CCBE1: variants seen among roughly 807,000 people sequenced by gnomAD.
CCBE1 encodes the protein collagen and calcium-binding EGF domain-containing protein 1.
Under a neutral mutation model 50.0 loss-of-function variants are expected in CCBE1, and 37 were observed. The observed-to-expected ratio is 0.74, with a 90% CI of 0.57 to 0.97. The LOEUF is 0.97. Among genes scored for constraint, CCBE1 ranks in the 50% least tolerant of loss-of-function variants. The pLI, the probability that CCBE1 is intolerant of heterozygous loss-of-function variation, is 0.00. For synonymous variants in CCBE1, 234 were observed against 203.7 expected (o/e 1.15, Z -1.27); for missense variants, 538 against 523.8 (o/e 1.03, Z -0.26).
At chr18:59,506,259 C>A (rs1913868254) in intron 2 of CCBE1, among the ~76,000 whole-genome samples, 1 of 152,172 alleles carries the variant, frequency 6.6e-6, no homozygotes, top group Non-Finnish European at 1.5e-5. Context: ...CAAGGATTGT[C>A]ACAACCATGG....
intron 2 of CCBE1, among the ~76,000 whole-genome samples, chr18:59,547,914 T>A (rs1915770592): frequency 6.6e-6 from 1 of 152,148 alleles, no homozygotes; most frequent in African/African-American, 2.4e-5. Flanking sequence ...CTGACCGAAA[T>A]AAGAACACAC....
At chr18:59,547,323 T>G (rs187866316) in intron 2 of CCBE1, among the ~76,000 whole-genome samples, 1 of 151,838 alleles carries the variant, frequency 6.6e-6, no homozygotes, top group Non-Finnish European at 1.5e-5. Flanking sequence ...GGAGTTCGAG[T>G]TGACCTTAGA....
chr18:59,616,021 T>C (rs1001983829), intron 2 of CCBE1, among the ~76,000 whole-genome samples: 4 of 152,230 alleles, frequency 2.6e-5, no homozygotes, highest in Non-Finnish European at 5.9e-5. Flanking sequence ...AGCTCGGCTG[T>C]GGTCCTATAA....
chr18:59,598,278 T>A (rs2053383622), intron 2 of CCBE1, among the ~76,000 whole-genome samples: 1 of 152,174 alleles, frequency 6.6e-6, no homozygotes, highest in Non-Finnish European at 1.5e-5. Context: ...CACCCCAGAA[T>A]CACCCCACCT....
rs1451354284 is a variant in CCBE1 at position 59,552,895 on chromosome 18, A to T, written c.213-72657T>A. 2.0e-5 allele frequency among the ~76,000 whole-genome samples: 3 copies of T among 152,228 alleles called. No individual in the cohort carries two copies. In the East Asian group the frequency reaches 5.8e-4, roughly 29 times the overall value. ...TTGAATTGATGCTAAACTTCCTCTG[A>T]TCTATAATGTAGCTGTCCCACCTGT... On this transcript the variant is annotated intron_variant, in intron 2 of 10. Transcript: ENST00000439986.
chr18:59,490,077 C>T (rs1177396452), intron 2 of CCBE1, among the ~76,000 whole-genome samples: 1 of 150,364 alleles, frequency 6.7e-6, no homozygotes, highest in East Asian at 2.0e-4. Flanking sequence ...ACCTCCACCT[C>T]CCAGGTTCAA....
At chr18:59,680,006 C>T (rs2054563829) in intron 2 of CCBE1, among the ~76,000 whole-genome samples, 1 of 151,606 alleles carries the variant, frequency 6.6e-6, no homozygotes, top group South Asian at 2.1e-4. Context: ...GGTAAATCAC[C>T]TGAGGTCAGG....
chr18:59,467,611 C>T (rs1220090628), intron 4 of CCBE1, among the ~76,000 whole-genome samples: 10 of 152,174 alleles, frequency 6.6e-5, no homozygotes, highest in Admixed American at 5.9e-4. Flanking sequence ...GACTTGCTCC[C>T]CTGCCGCATG....
chr18:59,559,605 T>C (rs1361003022), intron 2 of CCBE1, among the ~76,000 whole-genome samples: 1 of 152,190 alleles, frequency 6.6e-6, no homozygotes. Flanking sequence ...CTCTTGTGTT[T>C]AATAACAGAA....
At chr18:59,477,093 C>A (rs548457332) in intron 3 of CCBE1, among the ~76,000 whole-genome samples, 35 of 152,332 alleles carry the variant, frequency 2.3e-4, no homozygotes, top group African/African-American at 8.4e-4. Flanking sequence ...CACCTGGCTA[C>A]TTTGGTCTCC....
At chr18:59,583,680 T>TGTGTGTGTGC (rs1229840840) in intron 2 of CCBE1, among the ~76,000 whole-genome samples, 2 of 59,346 alleles carry the variant, frequency 3.4e-5, no homozygotes, top group Non-Finnish European at 8.9e-5. Flanking sequence ...TGTGTGTGTG[T>TGTGTGTGTGC]GCGCGCGCGC....
At chr18:59,577,352 C>T (rs1236411365) in intron 2 of CCBE1, among the ~76,000 whole-genome samples, 2 of 152,174 alleles carry the variant, frequency 1.3e-5, no homozygotes, top group Non-Finnish European at 2.9e-5. Context: ...CCAAGTCTGG[C>T]AGTGCAGCGG....
intron 2 of CCBE1, among the ~76,000 whole-genome samples, chr18:59,521,042 A>G (rs1325510082): frequency 6.6e-6 from 1 of 152,236 alleles, no homozygotes; most frequent in East Asian, 1.9e-4. Context: ...TACTTAATCC[A>G]TCTGTCCTCA....
chr18:59,695,719 G>A (rs1027525336), intron 2 of CCBE1, among the ~76,000 whole-genome samples: 7 of 152,158 alleles, frequency 4.6e-5, no homozygotes, highest in African/African-American at 1.7e-4. Flanking sequence ...GGACTGCTGC[G>A]TTACCTTGTA....
chr18:59,616,595 G>A (rs931545914), intron 2 of CCBE1, among the ~76,000 whole-genome samples: 4 of 152,096 alleles, frequency 2.6e-5, no homozygotes, highest in East Asian at 3.9e-4. Context: ...GTGGCTAGGC[G>A]CCAAACCCAT....
At chr18:59,494,587 TA>T (rs200994439) in intron 2 of CCBE1, among the ~76,000 whole-genome samples, 1 of 151,872 alleles carries the variant, frequency 6.6e-6, no homozygotes, top group Non-Finnish European at 1.5e-5. Flanking sequence ...ATATACAGAA[TA>T]AAAAAATCAG....
intron 2 of CCBE1, among the ~76,000 whole-genome samples, chr18:59,677,440 C>T (rs2054520709): frequency 1.3e-5 from 2 of 152,056 alleles, no homozygotes; most frequent in Non-Finnish European, 2.9e-5. Context: ...TTCTTGAAGA[C>T]ATCCAAGCAA....
At chr18:59,560,347 G>T (rs945857778) in intron 2 of CCBE1, among the ~76,000 whole-genome samples, 7 of 152,144 alleles carry the variant, frequency 4.6e-5, no homozygotes, top group African/African-American at 1.4e-4. Flanking sequence ...ACTAACACGG[G>T]AACAGGAAAC....
At chr18:59,599,155 A>G (rs2053396267) in intron 2 of CCBE1, among the ~76,000 whole-genome samples, 1 of 152,158 alleles carries the variant, frequency 6.6e-6, no homozygotes, top group Admixed American at 6.5e-5. Context: ...CTTGAGTCAT[A>G]TAGAAAGAAT....
Sources: allele counts gnomAD v4.1 joint callset (sites outside exome capture counted in the v4.1 genomes callset), GRCh38; gene constraint gnomAD v4.1.1; transcripts MANE v1.5; gene names NCBI Gene and HGNC (gene_info 2026-07-23, HGNC 2026-07-21).